Variants in UMAD1 observed in about 807,000 individuals in gnomAD.
UMAD1 encodes the protein UBAP1-MVB12-associated (UMA)-domain containing protein 1.
In UMAD1, 8 loss-of-function variants were observed where a neutral mutation model predicts 6.1. The ratio of observed to expected loss-of-function variants is 1.30; its 90% confidence interval spans 0.76 to 2.35. The LOEUF is 2.35. UMAD1 is among the 30% of genes most tolerant of loss of function. The pLI is 0.00. For synonymous variants in UMAD1, 56 were observed against 31.4 expected (o/e 1.78, Z -2.61); for missense variants, 130 against 78.4 (o/e 1.66, Z -2.49).
chr7:7,832,239 C>G (rs1783481177), intron 3 of UMAD1, among the ~76,000 whole-genome samples: 1 of 152,170 alleles, frequency 6.6e-6, no homozygotes, highest in Non-Finnish European at 1.5e-5. Flanking sequence ...GTTCTAGTTT[C>G]AAAGGTTTTA....
chr7:7,695,924 T>C (rs1780303685), intron 2 of UMAD1, among the ~76,000 whole-genome samples: 1 of 151,908 alleles, frequency 6.6e-6, no homozygotes, highest in South Asian at 2.1e-4. Context: ...AACAGTGAGA[T>C]GGATCATTGA....
At chr7:7,848,347 C>G (rs1324886994) in intron 3 of UMAD1, among the ~76,000 whole-genome samples, 4 of 152,094 alleles carry the variant, frequency 2.6e-5, no homozygotes, top group Non-Finnish European at 5.9e-5. Context: ...ATTTTTGATA[C>G]ATTGCTGTGA....
At chr7:7,662,507 C>T (rs991384562) in intron 1 of UMAD1, among the ~76,000 whole-genome samples, 3 of 152,152 alleles carry the variant, frequency 2.0e-5, no homozygotes, top group Admixed American at 1.3e-4. Flanking sequence ...GCGTAGTATC[C>T]GGACCGGAGT....
At chr7:7,824,529 T>G (rs1583852880) in intron 3 of UMAD1, among the ~76,000 whole-genome samples, 1 of 152,320 alleles carries the variant, frequency 6.6e-6, no homozygotes, top group Non-Finnish European at 1.5e-5. Flanking sequence ...AGGCTTTCTC[T>G]GACCACTCTT....
chr7:7,656,539 T>C (rs1360815545), intron 1 of UMAD1, among the ~76,000 whole-genome samples: 1 of 152,198 alleles, frequency 6.6e-6, no homozygotes, highest in Non-Finnish European at 1.5e-5. Flanking sequence ...ATTGCTCAAC[T>C]CCCACTTATA....
At chr7:7,836,332 T>C (rs1298903482) in intron 3 of UMAD1, among the ~76,000 whole-genome samples, 1 of 152,064 alleles carries the variant, frequency 6.6e-6, no homozygotes, top group Non-Finnish European at 1.5e-5. Flanking sequence ...TTACTAGCTA[T>C]AAAAGTCTTA....
rs1336879885 is a variant in UMAD1, at chr7:7,784,336, TG to T, written c.83-17333del. ...CTTAAAATTTTCTACTTAAAATCTC[TG>T]TTTTTTTTTTTTTTTTGAGACAGAG... is the stretch of plus-strand genomic sequence containing the variant. On this transcript the variant is annotated intron_variant, in intron 2 of 3. Transcript: ENST00000682710. Among the ~76,000 whole-genome samples, 12 of 97,658 alleles carry T rather than the reference TG, an allele frequency of 1.2e-4. No homozygotes were observed. In the South Asian group the frequency reaches 1.6e-3, roughly 13 times the overall value. The allele number at this position is 97,658 out of a possible 152,430, so 64.1% of individuals were successfully genotyped here. A position where few individuals can be genotyped will look rare whatever the true frequency, so the allele number is the denominator to read the frequency against.
At chr7:7,860,526 C>T (rs957467936) in intron 3 of UMAD1, among the ~76,000 whole-genome samples, 20 of 147,106 alleles carry the variant, frequency 1.4e-4, no homozygotes, top group Non-Finnish European at 3.0e-4. Context: ...TTTGGGAGGC[C>T]GAGGCAGGTG....
rs533895557 is a variant in UMAD1 at position 7,682,416 on chromosome 7, A to T, written c.82+8963A>T. Among the ~76,000 whole-genome samples, 5 of 152,186 alleles carry T rather than the reference A, an allele frequency of 3.3e-5. No homozygotes were observed. The South Asian group carries it at 1.0e-3, about 32-fold the overall frequency. On this transcript the variant is annotated intron_variant, in intron 2 of 3. Transcript: ENST00000682710. ...TCTGGGAACCAAACCACATATACAT[A>T]CTTCATTTAAACTATCATATTTTTA... is the stretch of plus-strand genomic sequence containing the variant.
At chr7:7,778,275 T>TGTGTGGGA (rs1271237125) in intron 2 of UMAD1, among the ~76,000 whole-genome samples, 1 of 110,594 alleles carries the variant, frequency 9.0e-6, no homozygotes, top group Non-Finnish European at 1.8e-5. Context: ...TGTGTGTGTG[T>TGTGTGGGA]GAGAGAGAGA....
chr7:7,848,098 A>G (rs1013091951), intron 3 of UMAD1, among the ~76,000 whole-genome samples: 1 of 152,232 alleles, frequency 6.6e-6, no homozygotes, highest in African/African-American at 2.4e-5. Context: ...TACCTGGCAT[A>G]GTATTTTGAA....
chr7:7,755,269 ACCACCAGTT>A lies in UMAD1; in HGVS notation c.83-46398_83-46390del, dbSNP rs566586841. On this transcript the variant is annotated intron_variant, in intron 2 of 3. Coordinates refer to ENST00000682710, the MANE Select transcript of UMAD1 (RefSeq NM_001302348.2). Reference sequence around the variant, plus strand: ...TGTTTAGTGTCTCATTTATTTTACCACCACCAGTTCCTTTTAAAGACACCCCATTTTTCC... The same window carrying A: ...TGTTTAGTGTCTCATTTATTTTACCACCTTTTAAAGACACCCCATTTTTCC... 2.0e-4 allele frequency among the ~76,000 whole-genome samples: 30 copies of A among 152,318 alleles called. No individual in the cohort carries two copies. The East Asian group carries it at 3.5e-3, about 18-fold the overall frequency.
In UMAD1 at chr7:7,690,686, T is replaced by C. The variant is rs545847336; in HGVS notation, c.82+17233T>C. 1.1e-4 allele frequency among the ~76,000 whole-genome samples: 17 copies of C among 152,222 alleles called. No homozygotes were observed. In the South Asian group the frequency reaches 3.5e-3, roughly 32 times the overall value. ...AATACTTTAATATATCTAAATTCTT[T>C]TGTTTTTGCTAAGGAGAGAAAGGAA... On this transcript the variant is annotated intron_variant, in intron 2 of 3. Coordinates refer to ENST00000682710, the MANE Select transcript of UMAD1 (RefSeq NM_001302348.2).
At chr7:7,759,948 T>G (rs1322392432) in intron 2 of UMAD1, among the ~76,000 whole-genome samples, 4 of 152,104 alleles carry the variant, frequency 2.6e-5, no homozygotes, top group Non-Finnish European at 4.4e-5. Context: ...CATTGAAAAG[T>G]TGTGTCGACG....
chr7:7,775,269 G>A (rs1782180672), intron 2 of UMAD1, among the ~76,000 whole-genome samples: 1 of 152,196 alleles, frequency 6.6e-6, no homozygotes, highest in African/African-American at 2.4e-5. Flanking sequence ...TGGTTTGGCT[G>A]TGTCTCTACC....
intron 2 of UMAD1, chr7:7,676,157 G>A (rs1779732579): frequency 2.5e-6 from 1 of 398,638 alleles, no homozygotes; most frequent in African/African-American, 2.1e-5. Context: ...CCCTGGGTCA[G>A]ACCCTTTGGG....
intron 3 of UMAD1, among the ~76,000 whole-genome samples, chr7:7,866,126 C>T (rs145315267): frequency 3.9e-5 from 6 of 152,226 alleles, no homozygotes; most frequent in African/African-American, 1.4e-4. Flanking sequence ...GAAACAAATG[C>T]AGGAATTGAG....
chr7:7,799,865 G>A (rs189538233), intron 2 of UMAD1, among the ~76,000 whole-genome samples: 152 of 152,278 alleles, frequency 1.0e-3, no homozygotes, highest in African/African-American at 3.6e-3. Context: ...TTTTTATTAT[G>A]TATCATAAAG....
chr7:7,717,875 A>C (rs1039648848), intron 2 of UMAD1, among the ~76,000 whole-genome samples: 3 of 152,218 alleles, frequency 2.0e-5, no homozygotes, highest in Non-Finnish European at 2.9e-5. Context: ...AAATTGACAC[A>C]TTATGTCATG....
Sources: allele counts gnomAD v4.1 joint callset (sites outside exome capture counted in the v4.1 genomes callset), GRCh38; gene constraint gnomAD v4.1.1; transcripts MANE v1.5; gene names NCBI Gene and HGNC (gene_info 2026-07-23, HGNC 2026-07-21).